The following GGA1 variants were observed in gnomAD, a reference collection of about 807,000 sequenced individuals.
GGA1 encodes golgi associated, gamma adaptin ear containing, ARF binding protein 1.
Under a neutral mutation model 76.9 loss-of-function variants are expected in GGA1, and 18 were observed. That is an observed-to-expected ratio of 0.23 (90% confidence interval 0.16 to 0.35). The LOEUF (loss-of-function observed/expected upper bound fraction) is 0.35. Ranked by LOEUF, GGA1 falls within the 10% of genes least tolerant of loss-of-function variation. The probability of loss-of-function intolerance (pLI) is 1.00; values close to 1 mark genes in which losing one functional copy is unlikely to be tolerated. For missense variants in GGA1, 755 were observed against 859.0 expected (o/e 0.88, Z 1.51); for synonymous variants, 342 against 354.7 (o/e 0.96, Z 0.40).
intron 3 of GGA1, 161 bp downstream of exon 3, chr22:37,617,158 C>T: frequency 6.8e-7 from 1 of 1,472,132 alleles, no homozygotes; most frequent in Non-Finnish European, 8.9e-7. Context: ...GGTCCCACCA[C>T]AGCCAGCGGG....
In GGA1 at chr22:37,617,385, G is replaced by A. The variant is rs1316099118; in HGVS notation, c.204+388G>A. Reference sequence around the variant, plus strand: ...ATCTGCACGTTTGTAAAGCTAAGGGGTGGTGCTTGGGCTCAGGCCTGAGGT... The same window carrying A: ...ATCTGCACGTTTGTAAAGCTAAGGGATGGTGCTTGGGCTCAGGCCTGAGGT... On this transcript the variant is annotated intron_variant, in intron 3 of 16. Coordinates refer to ENST00000343632, the MANE Select transcript of GGA1 (RefSeq NM_013365.5). The A allele has an allele frequency of 8.2e-6, 9 of 1,100,026 alleles. No homozygotes were observed. The South Asian group carries it at 2.2e-4, about 27-fold the overall frequency. 68.1% of individuals were successfully genotyped at this position (1,100,026 alleles called of 1,614,324 possible).
chr22:37,611,404 C>G (rs1258447640), intron 1 of GGA1, among the ~76,000 whole-genome samples: 2 of 152,144 alleles, frequency 1.3e-5, no homozygotes, highest in Non-Finnish European at 2.9e-5. Flanking sequence ...GTCTGCACTT[C>G]TCCTTGCTAT....
rs11543986 is a variant in GGA1 at position 37,633,383 on chromosome 22, C to T, written c.*672C>T. The T allele has an allele frequency of 6.6e-6, 1 of 151,468 alleles. No individual in the cohort carries two copies. The highest frequency in any genetic ancestry group is 2.4e-5 in the African/African-American group (1 of 41,164). The allele number at this position is 151,468 out of a possible 1,614,324, so 9.4% of individuals were successfully genotyped here. A position where few individuals can be genotyped will look rare whatever the true frequency, so the allele number is the denominator to read the frequency against. On this transcript the variant is annotated 3_prime_UTR_variant, in exon 17 of 17. Coordinates refer to ENST00000343632, the MANE Select transcript of GGA1 (RefSeq NM_013365.5). Reference sequence around the variant, plus strand: ...CAAGGGTAATGCCAGAGGCCCATGGCCCCAGCGAGGGGCTGTGGGGCACCT... The same window carrying T: ...CAAGGGTAATGCCAGAGGCCCATGGTCCCAGCGAGGGGCTGTGGGGCACCT...
At chr22:37,617,701 A>G (rs566807916) in intron 3 of GGA1, 577 of 683,804 alleles carry the variant, frequency 8.4e-4, no homozygotes, top group Non-Finnish European at 1.0e-3. Flanking sequence ...CCCATCTCTA[A>G]ATAATAATCA....
At chr22:37,621,751 G>A (rs1929938665) in intron 7 of GGA1, 55 bp downstream of exon 7, 1 of 1,216,126 alleles carries the variant, frequency 8.2e-7, no homozygotes, top group Admixed American at 2.0e-5. Flanking sequence ...ATTGAGCTGG[G>A]CCACTGAGAT....
At chr22:37,610,740 G>A (rs73420387) in intron 1 of GGA1, 2 of 152,258 alleles carry the variant, frequency 1.3e-5, no homozygotes, top group African/African-American at 2.4e-5. Context: ...TGGCAGGGTG[G>A]AGTCTTACCC....
Position 37,632,069 on chromosome 22 carries a change from G to T in GGA1, c.1602G>T (p.Leu534=), listed in dbSNP as rs193147072. The T allele has an allele frequency of 2.8e-4, 457 of 1,613,686 alleles. 3 individuals carry two copies. In the East Asian group the frequency reaches 9.1e-3, roughly 32 times the overall value. ...RILFHFARDP[L]PGRSDVLVVV... Reference sequence around the variant, plus strand: ...TCTTCCATTTTGCCCGGGACCCACTGCCAGGGCGCTCCGACGTGCTGGTGG... The same window carrying T: ...TCTTCCATTTTGCCCGGGACCCACTTCCAGGGCGCTCCGACGTGCTGGTGG... Residue 534 remains leucine, a synonymous_variant, in exon 15 of 17, where the codon CTG becomes CTT. Coordinates refer to ENST00000343632, the MANE Select transcript of GGA1 (RefSeq NM_013365.5). This position sits in a 1 kb window ranked among gnomAD's most constrained non-coding sequence, Gnocchi z 5.1.
chr22:37,613,958 C>T, intron 1 of GGA1: 1 of 513,812 alleles, frequency 1.9e-6, no homozygotes. Flanking sequence ...GGGGAAGGGC[C>T]CTGACCATAG....
At chr22:37,629,197 T>G (rs558271507) in intron 11 of GGA1, among the ~76,000 whole-genome samples, 2 of 152,082 alleles carry the variant, frequency 1.3e-5, no homozygotes, top group Admixed American at 6.5e-5. Flanking sequence ...AAAGTCCTGA[T>G]GTCTATTGTC....
intron 6 of GGA1, 124 bp downstream of exon 6, chr22:37,621,037 G>A (rs1416369416): frequency 5.7e-6 from 4 of 700,520 alleles, no homozygotes; most frequent in Non-Finnish European, 1.1e-5. Context: ...AGGCATCGTT[G>A]TAGATGATGG....
Position 37,621,690 on chromosome 22 carries a change from G to T in GGA1, c.603G>T (p.Val201=). The change falls in exon 7 of 17, where the codon GTG becomes GTT. Residue 201 remains valine (V), a synonymous_variant. Transcript: ENST00000343632. The stretch of plus-strand genomic sequence containing the variant: ...CCAATAAGCTCATCAAAGAGATGGT[G>T]CAGGAGGTAGCGGCCGAGCCCAGAG... ...RAANKLIKEM[V]QEDQKRMEKI... 1 of 1,554,036 alleles carries T rather than the reference G, an allele frequency of 6.4e-7. No individual in the cohort carries two copies. Among genetic ancestry groups the T allele is most frequent in the South Asian group, 1.2e-5 (1 of 84,232 alleles).
chr22:37,620,433 C>T (rs142398258), intron 5 of GGA1, 72 bp downstream of exon 5: 24 of 1,546,696 alleles, frequency 1.6e-5, no homozygotes, highest in South Asian at 6.7e-5. Context: ...GGGGCTCCAG[C>T]GGCTTCAGGG....
chr22:37,621,330 G>T (rs548960294), intron 6 of GGA1, among the ~76,000 whole-genome samples: 31 of 152,278 alleles, frequency 2.0e-4, no homozygotes, highest in South Asian at 4.1e-4. Flanking sequence ...TACTGTTAAG[G>T]TTCTTGTACA....
rs1364980870 is a variant in GGA1 at position 37,624,864 on chromosome 22, C to T, written c.833-105C>T. The T allele has an allele frequency of 6.8e-7, 1 of 1,463,964 alleles. No individual in the cohort carries two copies. Among genetic ancestry groups the T allele is most frequent in the Non-Finnish European group, 9.2e-7 (1 of 1,092,470 alleles). The allele number at this position is 1,463,964 out of a possible 1,614,324, so 90.7% of individuals were successfully genotyped here. On this transcript the variant is annotated intron_variant, in intron 9 of 16. Coordinates refer to ENST00000343632, the MANE Select transcript of GGA1 (RefSeq NM_013365.5). The surrounding 1 kb of genome is among the most constrained non-coding windows in gnomAD (Gnocchi z 4.3). The stretch of plus-strand genomic sequence containing the variant: ...ATGGGCTGTTTCCCTGCCCCTTTCC[C>T]TTCCCCTCACACACAGGCTGTGATG...
At chr22:37,616,879 G>C (rs1377532309) in intron 2 of GGA1, 43 bp from the exon 3 acceptor site, 1 of 1,550,254 alleles carries the variant, frequency 6.5e-7, no homozygotes, top group Non-Finnish European at 8.7e-7. Flanking sequence ...GGGTGACCGG[G>C]ACTCCGTGGC....
intron 2 of GGA1, among the ~76,000 whole-genome samples, chr22:37,616,429 C>T (rs1349516847): frequency 2.6e-5 from 4 of 152,178 alleles, no homozygotes; most frequent in African/African-American, 7.2e-5. Context: ...GAGCTCTTAC[C>T]GTCACTGGTG....
intron 14 of GGA1, 142 bp downstream of exon 14, chr22:37,631,241 C>T (rs183144289): frequency 9.8e-6 from 6 of 613,944 alleles, no homozygotes; most frequent in African/African-American, 3.8e-5. Flanking sequence ...GAACAAGGCC[C>T]TCCCCTTCCC....
At chr22:37,626,025 T>C in intron 11 of GGA1, 76 bp downstream of exon 11, 5 of 1,232,430 alleles carry the variant, frequency 4.1e-6, no homozygotes, top group Non-Finnish European at 4.5e-6. Flanking sequence ...CACTCACAGC[T>C]AGCGGAACCA....
intron 11 of GGA1, among the ~76,000 whole-genome samples, chr22:37,628,473 C>T (rs1462168524): frequency 6.6e-6 from 1 of 152,222 alleles, no homozygotes; most frequent in African/African-American, 2.4e-5. Context: ...AGTCCAGACT[C>T]TGCCACTTTC....
Sources: gnomAD v4.1 joint callset for allele counts (sites outside exome capture counted in the v4.1 genomes callset) on GRCh38, gnomAD v4.1.1 for gene constraint, Gnocchi (gnomAD v3.1) non-coding constraint, MANE v1.5 for transcripts, NCBI Gene and HGNC (gene_info 2026-07-23, HGNC 2026-07-21) for gene names.